IGSF3: variants seen among roughly 807,000 people sequenced by gnomAD.
IGSF3 encodes the protein glu-Trp-Ile EWI motif-containing protein 3.
Under a neutral mutation model 114.4 loss-of-function variants are expected in IGSF3, and 23 were observed. The ratio of observed to expected loss-of-function variants is 0.20; its 90% CI spans 0.14 to 0.28. IGSF3 has a LOEUF of 0.28. Ranked by LOEUF, IGSF3 falls within the 10% of genes least tolerant of loss-of-function variation. The probability of loss-of-function intolerance (pLI) is 1.00; values close to 1 mark genes in which losing one functional copy is unlikely to be tolerated. For synonymous variants in IGSF3, 571 were observed against 645.2 expected (o/e 0.88, Z 1.74); for missense variants, 1,172 against 1,591.5 (o/e 0.74, Z 4.48).
At chr1:116,599,327 G>A (rs2268866) in intron 7 of IGSF3, among the ~76,000 whole-genome samples, 1,590 of 151,806 alleles carry the variant, frequency 0.01, 29 homozygotes, top group South Asian at 0.031. Context: ...TAAAGAAAAG[G>A]GCTTTCTTTA....
At chr1:116,611,393 C>T (rs796696952) in intron 4 of IGSF3, among the ~76,000 whole-genome samples, 4 of 152,196 alleles carry the variant, frequency 2.6e-5, no homozygotes, top group Non-Finnish European at 5.9e-5. Flanking sequence ...GGTGCACATA[C>T]GTGCACATGA....
rs2101031809 is a variant in IGSF3 at position 116,625,720 on chromosome 1, A to G, written c.44-9263T>C. ...TGGTTTTAAATCCAAGGACAAAAATATCATTCATTCACTCTTTCATTCTTT... is the reference window on the plus strand; with the variant it reads ...TGGTTTTAAATCCAAGGACAAAAATGTCATTCATTCACTCTTTCATTCTTT... On this transcript the variant is annotated intron_variant, in intron 2 of 10. Coordinates refer to ENST00000369486, the MANE Select transcript of IGSF3 (RefSeq NM_001007237.3). The surrounding 1 kb of genome is among the most constrained non-coding windows in gnomAD (Gnocchi z 4.7). 6.6e-6 allele frequency among the ~76,000 whole-genome samples: 1 copy of G among 152,328 alleles called. No individual in the cohort carries two copies. Among genetic ancestry groups the G allele is most frequent in the South Asian group, 2.1e-4 (1 of 4,830 alleles).
rs374477640 is a variant in IGSF3, at chr1:116,607,957, T to C, written c.1207A>G (p.Ile403Val). 3.7e-6 allele frequency: 6 copies of C among 1,613,804 alleles called. No individual in the cohort carries two copies. In the African/African-American group the frequency reaches 4.0e-5, roughly 11 times the overall value. Residue 403 changes from isoleucine (I) to valine (V), a missense_variant, in exon 5 of 11, where the codon ATA becomes GTA. By Grantham distance (29) the Ile-to-Val change is conservative (BLOSUM62 3). Coordinates refer to ENST00000369486, the MANE Select transcript of IGSF3 (RefSeq NM_001007237.3). The surrounding 1 kb of genome is among the most constrained non-coding windows in gnomAD (Gnocchi z 6.1). ...CTCTACTTACTGAGGGGGAGGACTATGATGGGGATGTTCTTGGGACGCTTG... is the reference window on the plus strand; with the variant it reads ...CTCTACTTACTGAGGGGGAGGACTACGATGGGGATGTTCTTGGGACGCTTG... ...ESKRPKNIPI[I>V]VLPLKSSISV...
Position 116,616,455 on chromosome 1 carries a change from C to G in IGSF3, c.46G>C (p.Val16Leu), listed in dbSNP as rs774647651. 5.7e-6 allele frequency: 9 copies of G among 1,588,636 alleles called. No individual in the cohort carries two copies. Among genetic ancestry groups the G allele is most frequent in the Non-Finnish European group, 7.7e-6 (9 of 1,162,706 alleles). ...GTGACCTGCCGCTGTGCTGACACCA[C>G]ACCTACGAGGGAGAGAAACACACAC... ...PVLSCLAVLG[V>L]VSAQRQVTVQ... Residue 16 changes from valine (V) to leucine (L), a missense_variant and splice_region_variant, in exon 3 of 11, where the codon GTG (valine) becomes CTG (leucine). This residue lies in a region of IGSF3 where 736 missense variants were observed against 1,042.0 expected (regional missense o/e 0.71). Transcript: ENST00000369486. This position sits in a 1 kb window ranked among gnomAD's most constrained non-coding sequence, Gnocchi z 6.6.
chr1:116,661,630 A>T lies in IGSF3; in HGVS notation c.43+4654T>A, dbSNP rs1049209017. Among the ~76,000 whole-genome samples, 14 of 152,206 alleles carry T rather than the reference A, an allele frequency of 9.2e-5. No individual in the cohort carries two copies. The highest frequency in any genetic ancestry group is 3.1e-4 in the African/African-American group (13 of 41,446). On this transcript the variant is annotated intron_variant, in intron 2 of 10. Coordinates refer to ENST00000369486, the MANE Select transcript of IGSF3 (RefSeq NM_001007237.3). The surrounding 1 kb of genome is among the most constrained non-coding windows in gnomAD (Gnocchi z 4.0). ...ACGGAATAGCTTATTAGATGTAAGA[A>T]CACAGGATTTGGAACCAAATGGTCC...
chr1:116,617,553 C>CT (rs1307819462), intron 2 of IGSF3, among the ~76,000 whole-genome samples: 1 of 152,178 alleles, frequency 6.6e-6, no homozygotes, highest in Non-Finnish European at 1.5e-5. Flanking sequence ...CTAAGAAGGC[C>CT]TTGGAGAGGA....
chr1:116,663,015 C>T (rs759803969), intron 2 of IGSF3, among the ~76,000 whole-genome samples: 9 of 152,242 alleles, frequency 5.9e-5, no homozygotes, highest in African/African-American at 1.2e-4. Context: ...ATGAACTTCT[C>T]TCCCTCTGGA....
rs1354394738 is a variant in IGSF3, at chr1:116,584,402, T to C, written c.2848+243A>G. The C allele has an allele frequency of 2.0e-6, 1 of 499,568 alleles. No homozygotes were observed. Among genetic ancestry groups the C allele is most frequent in the East Asian group, 3.1e-5 (1 of 31,858 alleles). The allele number at this position is 499,568 out of a possible 1,614,324, so 30.9% of individuals were successfully genotyped here. A position where few individuals can be genotyped will look rare whatever the true frequency, so the allele number is the denominator to read the frequency against. On this transcript the variant is annotated intron_variant, in intron 9 of 10. Coordinates refer to ENST00000369486, the MANE Select transcript of IGSF3 (RefSeq NM_001007237.3). The surrounding 1 kb of genome is among the most constrained non-coding windows in gnomAD (Gnocchi z 5.8). Reference sequence around the variant, plus strand: ...GAAATATTCTATGACCTGGAATAATTAATGGCCAGATTTTATTCTATTTAA... The same window carrying C: ...GAAATATTCTATGACCTGGAATAATCAATGGCCAGATTTTATTCTATTTAA...
intron 2 of IGSF3, 115 bp downstream of exon 2, chr1:116,666,169 G>T: frequency 1.0e-6 from 1 of 982,584 alleles, no homozygotes; most frequent in South Asian, 1.3e-5. Context: ...CACACCGACC[G>T]CCTCCTGGTG....
chr1:116,603,975 C>T lies in IGSF3; in HGVS notation c.1273G>A (p.Gly425Ser). 6.2e-7 allele frequency: 1 copy of T among 1,612,664 alleles called. No homozygotes were observed. Among genetic ancestry groups the T allele is most frequent in the Non-Finnish European group, 8.5e-7 (1 of 1,179,970 alleles). The change falls in exon 6 of 11, where the codon GGC becomes AGC. Residue 425 changes from glycine to serine, a missense_variant. By Grantham distance (56) the Gly-to-Ser change is moderately conservative. Around this residue, in one of 3 missense-constraint regions of IGSF3, gnomAD observed 736 missense variants for 1,042.0 expected, o/e 0.71. Transcript: ENST00000369486. This position sits in a 1 kb window ranked among gnomAD's most constrained non-coding sequence, Gnocchi z 7.1. ...CTGCAGGAGAAGCGCAGGTCCTCGC[C>T]CTCAAGGATGACGCTGGCATTGCTG... ...VASNASVILE[G>S]EDLRFSCSVR...
Position 116,661,207 on chromosome 1 carries a change from C to T in IGSF3, c.43+5077G>A, listed in dbSNP as rs927768692. On this transcript the variant is annotated intron_variant, in intron 2 of 10. Coordinates refer to ENST00000369486, the MANE Select transcript of IGSF3 (RefSeq NM_001007237.3). This position sits in a 1 kb window ranked among gnomAD's most constrained non-coding sequence, Gnocchi z 4.0. ...ACTCGGGAGGCTGAGGCAGGAGAAT[C>T]GCGTGAACCCAGCAGGCGGAGGTTA... 1.3e-5 allele frequency among the ~76,000 whole-genome samples: 2 copies of T among 152,096 alleles called. No individual in the cohort carries two copies. The highest frequency in any genetic ancestry group is 2.4e-5 in the African/African-American group (1 of 41,418).
intron 2 of IGSF3, among the ~76,000 whole-genome samples, chr1:116,656,062 T>C (rs375196565): frequency 6.6e-6 from 1 of 152,148 alleles, no homozygotes; most frequent in African/African-American, 2.4e-5. Context: ...AGTTCTGATA[T>C]AGCCATAAAA....
chr1:116,640,150 A>G (rs1648027256), intron 2 of IGSF3, among the ~76,000 whole-genome samples: 1 of 152,194 alleles, frequency 6.6e-6, no homozygotes. Context: ...CAGTCAAGAA[A>G]ATGACATCAC....
At chr1:116,619,757 C>A (rs1471403860) in intron 2 of IGSF3, among the ~76,000 whole-genome samples, 9 of 151,854 alleles carry the variant, frequency 5.9e-5, no homozygotes, top group Non-Finnish European at 7.4e-5. Context: ...GAAAGTTCCT[C>A]CCAGGCAAGG....
Position 116,589,297 on chromosome 1 carries a change from C to T in IGSF3, c.2030-193G>A, listed in dbSNP as rs61789239. On this transcript the variant is annotated intron_variant, in intron 7 of 10. Coordinates refer to ENST00000369486, the MANE Select transcript of IGSF3 (RefSeq NM_001007237.3). This position sits in a 1 kb window ranked among gnomAD's most constrained non-coding sequence, Gnocchi z 5.7. ...CCTTCCCTGTCTCCTCCTTGCCATG[C>T]GCCTGGCTTAGGCCTTCACCATCTC... Among the ~76,000 whole-genome samples, 3 of 152,206 alleles carry T rather than the reference C, an allele frequency of 2.0e-5. No individual in the cohort carries two copies. The highest frequency in any genetic ancestry group is 6.8e-3 in the Middle Eastern group (2 of 294).
rs1307561895 is a variant in IGSF3, at chr1:116,667,688, G to C, written c.-701C>G. The C allele has an allele frequency of 2.0e-5, 3 of 151,568 alleles. No homozygotes were observed. The highest frequency in any genetic ancestry group is 4.4e-5 in the Non-Finnish European group (3 of 67,874). 9.4% of individuals were successfully genotyped at this position (151,568 alleles called of 1,614,324 possible). A position where few individuals can be genotyped will look rare whatever the true frequency, so the allele number is the denominator to read the frequency against. On this transcript the variant is annotated 5_prime_UTR_variant, in exon 1 of 11. Coordinates refer to ENST00000369486, the MANE Select transcript of IGSF3 (RefSeq NM_001007237.3). Reference sequence around the variant, plus strand: ...GTCCATCCAGGCGCACGCCTCAGGGGACGCGCCGCTTCCTCTTCTCCCGCA... The same window carrying C: ...GTCCATCCAGGCGCACGCCTCAGGGCACGCGCCGCTTCCTCTTCTCCCGCA...
Position 116,590,234 on chromosome 1 carries a change from T to C in IGSF3, c.2030-1130A>G, listed in dbSNP as rs1182418523. 2.0e-5 allele frequency among the ~76,000 whole-genome samples: 3 copies of C among 152,032 alleles called. No homozygotes were observed. In the East Asian group the frequency reaches 5.8e-4, roughly 29 times the overall value. ...CTCCCCAGCAGCTAATTAATGACGA[T>C]GTTCACCTTGCCAGTGGCAAGAAGC... On this transcript the variant is annotated intron_variant, in intron 7 of 10. Transcript: ENST00000369486.
chr1:116,577,614 G>A lies in IGSF3; in HGVS notation c.3335-52C>T. On this transcript the variant is annotated intron_variant, in intron 10 of 10. Coordinates refer to ENST00000369486, the MANE Select transcript of IGSF3 (RefSeq NM_001007237.3). This position sits in a 1 kb window ranked among gnomAD's most constrained non-coding sequence, Gnocchi z 5.7. ...ACAATGAGGGCTGAGAACCTGGACT[G>A]CTCACATTTCCTTTTGAAGACCTCA... 6.3e-7 allele frequency: 1 copy of A among 1,584,148 alleles called. No homozygotes were observed. Among genetic ancestry groups the A allele is most frequent in the Non-Finnish European group, 8.6e-7 (1 of 1,162,206 alleles).
At chr1:116,599,483 G>T (rs1486939217) in intron 7 of IGSF3, among the ~76,000 whole-genome samples, 4 of 152,084 alleles carry the variant, frequency 2.6e-5, no homozygotes, top group Admixed American at 2.6e-4. Context: ...TAACAAATGT[G>T]ATGTGTGATC....
Sources: gnomAD v4.1 joint callset for allele counts (sites outside exome capture counted in the v4.1 genomes callset) on GRCh38, gnomAD v4.1.1 for gene constraint, gnomAD v4.1.1 regional missense constraint, Gnocchi (gnomAD v3.1) non-coding constraint, MANE v1.5 for transcripts, NCBI Gene and HGNC (gene_info 2026-07-23, HGNC 2026-07-21) for gene names.